The following R3HDM1 variants were observed in gnomAD, a reference collection of about 807,000 sequenced individuals.
R3HDM1 encodes the protein R3H domain containing 1.
A neutral mutation model predicts 141.1 loss-of-function variants in R3HDM1; 46 were observed. The ratio of observed to expected loss-of-function variants is 0.33; its 90% CI spans 0.26 to 0.42. The LOEUF (loss-of-function observed/expected upper bound fraction) is 0.42. Among genes scored for constraint, R3HDM1 ranks in the 10% least tolerant of loss-of-function variants. The pLI, the probability that R3HDM1 is intolerant of heterozygous loss-of-function variation, is 1.00. For synonymous variants in R3HDM1, 435 were observed against 472.9 expected (o/e 0.92, Z 1.04); for missense variants, 1,184 against 1,368.3 (o/e 0.87, Z 2.12).
At position 135,724,060 on chromosome 2, in the gene R3HDM1, C is replaced by T; in HGVS notation, c.3173C>T (p.Ser1058Phe). ...ATCCGGTGGCTCCGGGACCCCCAGT[C>T]CCAACCACGTCGTCACCCCCTCTGC... is the stretch of plus-strand genomic sequence containing the variant. ...AKIRWLRDPQ[S>F]QPRRHPLCCG... is the part of the protein sequence containing the mutation. Residue 1058 changes from serine to phenylalanine, a missense_variant, in exon 27 of 27, where the codon TCC becomes TTC. Physicochemically the swap from Ser to Phe is radical, Grantham distance 155 (BLOSUM62 -2). Transcript: ENST00000683871. 6.2e-7 allele frequency: 1 copy of T among 1,614,064 alleles called. No individual in the cohort carries two copies. The highest frequency in any genetic ancestry group is 8.5e-7 in the Non-Finnish European group (1 of 1,179,984).
At chr2:135,640,362 G>T (rs1258380141) in intron 14 of R3HDM1, among the ~76,000 whole-genome samples, 1 of 152,128 alleles carries the variant, frequency 6.6e-6, no homozygotes, top group Non-Finnish European at 1.5e-5. Flanking sequence ...GTCTACTTGT[G>T]TACCAAATAT....
chr2:135,644,789 A>G (rs1205807051), intron 15 of R3HDM1, among the ~76,000 whole-genome samples: 1 of 152,180 alleles, frequency 6.6e-6, no homozygotes, highest in African/African-American at 2.4e-5. Context: ...TTCGCAATTC[A>G]GAGTTTTTCA....
In R3HDM1 at chr2:135,648,086, A is replaced by G. The variant is rs549946317; in HGVS notation, c.1624-1816A>G. Reference sequence around the variant, plus strand: ...GGTTATCTGACTTAATAACACATCAAGTAGCTTGTTCTTGAGAGTTCTAAA... The same window carrying G: ...GGTTATCTGACTTAATAACACATCAGGTAGCTTGTTCTTGAGAGTTCTAAA... On this transcript the variant is annotated intron_variant, in intron 16 of 26. Transcript: ENST00000683871. Among the ~76,000 whole-genome samples the G allele has an allele frequency of 1.5e-3, 224 of 152,312 alleles. 4 individuals carry two copies. In the South Asian group the frequency reaches 0.046, roughly 31 times the overall value.
rs767160737 is a variant in R3HDM1 at position 135,635,886 on chromosome 2, T to G, written c.699-4T>G. 1 of 1,580,654 alleles carries G rather than the reference T, an allele frequency of 6.3e-7. No homozygotes were observed. Among genetic ancestry groups the G allele is most frequent in the Non-Finnish European group, 8.6e-7 (1 of 1,168,736 alleles). On this transcript the variant is annotated splice_region_variant and splice_polypyrimidine_tract_variant and intron_variant, in intron 9 of 26. Transcript: ENST00000683871. ...TTCCTTTGTTTTTGTTTTTGTTTTT[T>G]AAGACCTGATCAGAAATTTAATGAA...
At chr2:135,616,549 T>G (rs1424921783) in intron 4 of R3HDM1, 119 bp from the exon 5 acceptor site, 1 of 789,654 alleles carries the variant, frequency 1.3e-6, no homozygotes, top group African/African-American at 1.8e-5. Context: ...ACTTGCACAT[T>G]TCATCTACTG....
chr2:135,670,952 A>T (rs982665447), intron 19 of R3HDM1, among the ~76,000 whole-genome samples: 3 of 151,868 alleles, frequency 2.0e-5, no homozygotes, highest in African/African-American at 7.3e-5. Context: ...CCAGTTACTC[A>T]GGAGGCTAAA....
chr2:135,682,643 C>T (rs1166896082), intron 21 of R3HDM1, among the ~76,000 whole-genome samples: 1 of 152,172 alleles, frequency 6.6e-6, no homozygotes, highest in South Asian at 2.1e-4. Flanking sequence ...GGATAGCCTG[C>T]AGCACAGAAA....
intron 19 of R3HDM1, chr2:135,670,310 G>A (rs1214637122): frequency 2.0e-6 from 2 of 985,060 alleles, no homozygotes; most frequent in East Asian, 1.1e-4. Flanking sequence ...GACACAGGAA[G>A]CTGACAGAGT....
chr2:135,585,603 A>G (rs902832259), intron 1 of R3HDM1, among the ~76,000 whole-genome samples: 3 of 152,212 alleles, frequency 2.0e-5, no homozygotes, highest in Non-Finnish European at 4.4e-5. Flanking sequence ...GTGTTGCCCA[A>G]TAGATGCAAT....
Position 135,709,555 on chromosome 2 carries a change from A to T in R3HDM1, c.2563+19A>T. On this transcript the variant is annotated intron_variant, in intron 22 of 26. Coordinates refer to ENST00000683871, the MANE Select transcript of R3HDM1 (RefSeq NM_001378107.1). Reference sequence around the variant, plus strand: ...TGTACAGGTATAAAGAAATCAGTGAAAATAAGATGATTGGTTCATATGAGA... The same window carrying T: ...TGTACAGGTATAAAGAAATCAGTGATAATAAGATGATTGGTTCATATGAGA... 1.2e-6 allele frequency: 2 copies of T among 1,610,982 alleles called. No homozygotes were observed. Among genetic ancestry groups the T allele is most frequent in the Non-Finnish European group, 1.7e-6 (2 of 1,178,272 alleles).
At chr2:135,533,592 T>C (rs1177069600) in intron 1 of R3HDM1, among the ~76,000 whole-genome samples, 1 of 152,156 alleles carries the variant, frequency 6.6e-6, no homozygotes, top group African/African-American at 2.4e-5. Context: ...GATAAATATA[T>C]AATAGTGGCC....
At chr2:135,650,318 T>TG (rs1420629963) in intron 17 of R3HDM1, 4 of 985,410 alleles carry the variant, frequency 4.1e-6, no homozygotes, top group Non-Finnish European at 4.8e-6. Context: ...TGTGCTGCCC[T>TG]GGGATGGCAG....
intron 17 of R3HDM1, 141 bp downstream of exon 17, chr2:135,650,144 A>G (rs2064996254): frequency 6.1e-6 from 6 of 987,400 alleles, no homozygotes; most frequent in Non-Finnish European, 7.3e-6. Flanking sequence ...AAGTATTTCT[A>G]ATTCATACTA....
chr2:135,645,614 T>C, intron 16 of R3HDM1, 87 bp downstream of exon 16: 4 of 1,442,648 alleles, frequency 2.8e-6, no homozygotes, highest in Non-Finnish European at 3.8e-6. Flanking sequence ...TGAGATAGCC[T>C]AAGTATCTCT....
At chr2:135,591,427 A>C (rs1709250469) in intron 1 of R3HDM1, among the ~76,000 whole-genome samples, 1 of 152,216 alleles carries the variant, frequency 6.6e-6, no homozygotes, top group Non-Finnish European at 1.5e-5. Context: ...ATACGATAAG[A>C]CTGAGGGTTT....
intron 15 of R3HDM1, among the ~76,000 whole-genome samples, chr2:135,642,889 A>G (rs2063951570): frequency 6.6e-6 from 1 of 152,068 alleles, no homozygotes; most frequent in South Asian, 2.1e-4. Flanking sequence ...CAGAAATTCA[A>G]TTTTTGCTTA....
At chr2:135,614,534 G>GTT (rs2060840215) in intron 3 of R3HDM1, among the ~76,000 whole-genome samples, 1 of 152,182 alleles carries the variant, frequency 6.6e-6, no homozygotes, top group Non-Finnish European at 1.5e-5. Context: ...ACAGATAAAA[G>GTT]TAAACTGAAG....
At chr2:135,677,929 C>T (rs1325751157) in intron 20 of R3HDM1, among the ~76,000 whole-genome samples, 3 of 151,922 alleles carry the variant, frequency 2.0e-5, no homozygotes, top group Non-Finnish European at 2.9e-5. Flanking sequence ...GTCGCTTGCT[C>T]TCTCTCGCTC....
At chr2:135,715,224 C>T (rs1420922791) in intron 23 of R3HDM1, among the ~76,000 whole-genome samples, 2 of 152,092 alleles carry the variant, frequency 1.3e-5, no homozygotes, top group Non-Finnish European at 2.9e-5. Flanking sequence ...TGGCGGGTGC[C>T]TGTAGTCCCA....
Sources: gnomAD v4.1 joint callset for allele counts (sites outside exome capture counted in the v4.1 genomes callset) on GRCh38, gnomAD v4.1.1 for gene constraint, MANE v1.5 for transcripts, NCBI Gene and HGNC (gene_info 2026-07-23, HGNC 2026-07-21) for gene names.